FARP1: variants seen among roughly 807,000 people sequenced by gnomAD.
FARP1 encodes the protein FERM, ARHGEF and pleckstrin domain-containing protein 1.
FARP1 carries 52 observed loss-of-function variants against 128.8 expected under a neutral mutation model. The ratio of observed to expected loss-of-function variants is 0.40; its 90% CI spans 0.32 to 0.51. The LOEUF (loss-of-function observed/expected upper bound fraction) is 0.51, where lower values mean the gene tolerates loss of function less well. Ranked by LOEUF, FARP1 falls within the 20% of genes least tolerant of loss-of-function variation. The probability of loss-of-function intolerance (pLI) is 0.45; values close to 1 mark genes in which losing one functional copy is unlikely to be tolerated. For synonymous variants in FARP1, 580 were observed against 551.8 expected (o/e 1.05, Z -0.72); for missense variants, 1,333 against 1,367.9 (o/e 0.97, Z 0.40).
chr13:98,334,221 A>G (rs1180154364), intron 2 of FARP1: 1 of 152,242 alleles, frequency 6.6e-6, no homozygotes, highest in Non-Finnish European at 1.5e-5. Flanking sequence ...GCAGGTGTGC[A>G]GGTATATCAA....
At chr13:98,372,219 T>C (rs1433701124) in intron 5 of FARP1, among the ~76,000 whole-genome samples, 15 of 151,922 alleles carry the variant, frequency 9.9e-5, no homozygotes, top group Non-Finnish European at 1.8e-4. Flanking sequence ...CCCAAGTAGC[T>C]GAGACTACAG....
chr13:98,378,077 C>A lies in FARP1; in HGVS notation c.496+159C>A, dbSNP rs577611710. 7.9e-5 allele frequency among the ~76,000 whole-genome samples: 12 copies of A among 152,308 alleles called. No homozygotes were observed. In the South Asian group the frequency reaches 2.3e-3, roughly 29 times the overall value. On this transcript the variant is annotated intron_variant, in intron 6 of 26. Transcript: ENST00000319562. ...CTACGGGTGGAAGAGAAAAACAATA[C>A]TCCTGATGTCATTTAATATGCATAT...
At chr13:98,240,316 G>C (rs1423355416) in intron 2 of FARP1, among the ~76,000 whole-genome samples, 2 of 152,186 alleles carry the variant, frequency 1.3e-5, no homozygotes, top group African/African-American at 2.4e-5. Context: ...AACTCAAGCT[G>C]CTTTGGCCTT....
chr13:98,419,301 C>T (rs944887142), intron 16 of FARP1, among the ~76,000 whole-genome samples: 6 of 152,178 alleles, frequency 3.9e-5, no homozygotes, highest in African/African-American at 1.4e-4. Context: ...TGGTGAAACC[C>T]CATCTCTACT....
At chr13:98,351,132 C>T (rs1167087328) in intron 3 of FARP1, among the ~76,000 whole-genome samples, 1 of 152,012 alleles carries the variant, frequency 6.6e-6, no homozygotes, top group African/African-American at 2.4e-5. Flanking sequence ...CTGCCTCCAG[C>T]CCAGCCCTGG....
intron 2 of FARP1, chr13:98,332,466 G>C (rs1887553008): frequency 6.6e-6 from 1 of 152,102 alleles, no homozygotes; most frequent in Non-Finnish European, 1.5e-5. Flanking sequence ...CACTCCCGTG[G>C]TTAACAGAAT....
rs773837308 is a variant in FARP1 at position 98,176,976 on chromosome 13, A to G, written c.-24+33484A>G. Reference sequence around the variant, plus strand: ...ACCTGTACACCACGTCGAGGCTCTCAGGCGCCGCCTCCTCGCCCCTCCTGT... The same window carrying G: ...ACCTGTACACCACGTCGAGGCTCTCGGGCGCCGCCTCCTCGCCCCTCCTGT... On this transcript the variant is annotated intron_variant, in intron 1 of 26. Transcript: ENST00000319562. The surrounding 1 kb of genome is among the most constrained non-coding windows in gnomAD (Gnocchi z 6.2). The G allele has an allele frequency of 6.9e-5, 111 of 1,599,672 alleles. No homozygotes were observed. The East Asian group carries it at 2.2e-3, about 32-fold the overall frequency.
chr13:98,331,564 C>T (rs752939171), intron 2 of FARP1, among the ~76,000 whole-genome samples: 2 of 152,168 alleles, frequency 1.3e-5, no homozygotes, highest in Non-Finnish European at 2.9e-5. Flanking sequence ...AGCTACCAAA[C>T]GTTGAAAATA....
At chr13:98,395,177 C>G in intron 12 of FARP1, 50 bp from the exon 13 acceptor site, 2 of 1,533,244 alleles carry the variant, frequency 1.3e-6, no homozygotes, top group Non-Finnish European at 1.8e-6. Context: ...CTTGGAATAA[C>G]AGTCTCCCTC....
chr13:98,390,801 C>G lies in FARP1; in HGVS notation c.1020-11C>G. ...TATTTCTCCCCTTCCCTGTTGTGGT[C>G]TCTGTTTCAGTGGTCGGACTCAGAA... On this transcript the variant is annotated splice_polypyrimidine_tract_variant and intron_variant, in intron 10 of 26. Coordinates refer to ENST00000319562, the MANE Select transcript of FARP1 (RefSeq NM_005766.4). 4 of 1,607,682 alleles carry G rather than the reference C, an allele frequency of 2.5e-6. No individual in the cohort carries two copies. The highest frequency in any genetic ancestry group is 3.4e-6 in the Non-Finnish European group (4 of 1,174,410).
chr13:98,391,511 T>C (rs1443775548), intron 11 of FARP1, among the ~76,000 whole-genome samples: 1 of 152,222 alleles, frequency 6.6e-6, no homozygotes, highest in African/African-American at 2.4e-5. Flanking sequence ...GCTCAAGCCA[T>C]CTTCCCGCCT....
At chr13:98,231,984 C>T (rs991532750) in intron 2 of FARP1, among the ~76,000 whole-genome samples, 1 of 151,822 alleles carries the variant, frequency 6.6e-6, no homozygotes, top group Non-Finnish European at 1.5e-5. Context: ...CTCGTCACCA[C>T]GCCCAGCTAA....
chr13:98,162,285 A>G (rs186516750), intron 1 of FARP1, among the ~76,000 whole-genome samples: 30 of 152,318 alleles, frequency 2.0e-4, no homozygotes, highest in Admixed American at 2.0e-3. Context: ...GCCTGCGTAC[A>G]AGTGTGGAGT....
chr13:98,407,072 CTT>C (rs1891008525), intron 13 of FARP1: 1 of 152,718 alleles, frequency 6.5e-6, no homozygotes, highest in African/African-American at 2.4e-5. Flanking sequence ...GGCTCCAACT[CTT>C]TCAATGATGA....
chr13:98,367,011 A>G (rs1889114845), intron 4 of FARP1, among the ~76,000 whole-genome samples: 1 of 152,198 alleles, frequency 6.6e-6, no homozygotes, highest in Admixed American at 6.5e-5. Context: ...TTTAGATTTC[A>G]TTATAGTACC....
chr13:98,387,378 A>G (rs1890134490), intron 8 of FARP1, among the ~76,000 whole-genome samples: 3 of 152,206 alleles, frequency 2.0e-5, no homozygotes, highest in South Asian at 4.1e-4. Flanking sequence ...CCATTTCTAA[A>G]AAGTATTAAG....
At position 98,308,017 on chromosome 13, in the gene FARP1, C is replaced by A. The variant is rs1886248480; in HGVS notation, c.172-35745C>A. The stretch of plus-strand genomic sequence containing the variant: ...CCTGGACTGCCTGCCCCCCTCCGCC[C>A]GCCCCCACTCTCTCTCTTTTTTTTT... On this transcript the variant is annotated intron_variant, in intron 2 of 26. Transcript: ENST00000319562. 2.1e-5 allele frequency among the ~76,000 whole-genome samples: 3 copies of A among 143,704 alleles called. 1 individual carries two copies. The highest frequency in any genetic ancestry group is 7.8e-5 in the African/African-American group (3 of 38,686). The allele number at this position is 143,704 out of a possible 152,430, so 94.3% of individuals were successfully genotyped here.
At chr13:98,172,946 A>G (rs1003168234) in intron 1 of FARP1, among the ~76,000 whole-genome samples, 2 of 152,218 alleles carry the variant, frequency 1.3e-5, no homozygotes, top group African/African-American at 4.8e-5. Context: ...GAAATGTGCC[A>G]AAAAGATGCA....
chr13:98,279,251 A>G (rs1884818110), intron 2 of FARP1, among the ~76,000 whole-genome samples: 1 of 152,166 alleles, frequency 6.6e-6, no homozygotes, highest in African/African-American at 2.4e-5. Flanking sequence ...TTCTTCCATT[A>G]CATTACTTTG....
Sources: allele counts gnomAD v4.1 joint callset (sites outside exome capture counted in the v4.1 genomes callset), GRCh38; gene constraint gnomAD v4.1.1; non-coding constraint Gnocchi (gnomAD v3.1); transcripts MANE v1.5; gene names NCBI Gene and HGNC (gene_info 2026-07-23, HGNC 2026-07-21).